ADGRG7: variants seen among roughly 807,000 people sequenced by gnomAD.
The protein encoded by ADGRG7 is adhesion G protein-coupled receptor G7, also known as G-protein coupled receptor 128.
In ADGRG7, 82 loss-of-function variants were observed where a neutral mutation model predicts 88.6. That is an observed-to-expected ratio of 0.93 (90% confidence interval 0.77 to 1.11). The LOEUF (loss-of-function observed/expected upper bound fraction) is 1.11, where lower values mean the gene tolerates loss of function less well. Ranked by LOEUF, ADGRG7 falls within the 50% of genes most tolerant of loss-of-function variation. ADGRG7 has a pLI of 0.00. For synonymous variants in ADGRG7, 381 were observed against 345.2 expected, an observed-to-expected ratio of 1.10 and a Z score of -1.15; for missense variants, 945 against 953.4, an observed-to-expected ratio of 0.99 and a Z score of 0.12.
intron 1 of ADGRG7, among the ~76,000 whole-genome samples, chr3:100,617,784 C>T (rs1365481425): frequency 3.9e-5 from 6 of 152,196 alleles, no homozygotes; most frequent in African/African-American, 1.2e-4. Flanking sequence ...CCTGAGGAAT[C>T]GCCACACTGA....
intron 1 of ADGRG7, among the ~76,000 whole-genome samples, chr3:100,610,909 G>C (rs1388883899): frequency 6.6e-6 from 1 of 152,162 alleles, no homozygotes; most frequent in Non-Finnish European, 1.5e-5. Context: ...TGGCTGCAAA[G>C]ATCCAGTGTT....
intron 15 of ADGRG7, among the ~76,000 whole-genome samples, chr3:100,691,502 G>A (rs2094993736): frequency 6.6e-6 from 1 of 151,928 alleles, no homozygotes; most frequent in African/African-American, 2.4e-5. Flanking sequence ...GGCCATCTTG[G>A]CTCCACCCTT....
intron 1 of ADGRG7, among the ~76,000 whole-genome samples, chr3:100,617,963 C>T (rs1559669039): frequency 6.6e-6 from 1 of 152,094 alleles, no homozygotes; most frequent in African/African-American, 2.4e-5. Flanking sequence ...TCTCTGATGA[C>T]CAGTGATGAT....
chr3:100,617,998 G>T (rs1312233258), intron 1 of ADGRG7, among the ~76,000 whole-genome samples: 3 of 152,142 alleles, frequency 2.0e-5, no homozygotes, highest in Non-Finnish European at 4.4e-5. Flanking sequence ...GTGTCTATTG[G>T]CTGCATAAAT....
At chr3:100,621,952 C>T (rs1620897) in intron 1 of ADGRG7, among the ~76,000 whole-genome samples, 41,576 of 152,100 alleles carry the variant, frequency 0.27, 6,226 homozygotes, top group Non-Finnish European at 0.34. Context: ...AACTATTCCA[C>T]TTCAGATCAT....
chr3:100,621,418 C>G (rs1367352469), intron 1 of ADGRG7, among the ~76,000 whole-genome samples: 1 of 152,136 alleles, frequency 6.6e-6, no homozygotes, highest in East Asian at 1.9e-4. Flanking sequence ...AGTGAACACA[C>G]AAATGGTAAG....
intron 1 of ADGRG7, among the ~76,000 whole-genome samples, chr3:100,628,259 G>GT (rs1377601505): frequency 2.0e-3 from 293 of 149,606 alleles, no homozygotes; most frequent in African/African-American, 5.5e-3. Flanking sequence ...CCTTCAAGTA[G>GT]TTTTTTTTTT....
intron 8 of ADGRG7, among the ~76,000 whole-genome samples, chr3:100,644,041 T>C (rs1248114337): frequency 6.6e-6 from 1 of 152,222 alleles, no homozygotes; most frequent in Non-Finnish European, 1.5e-5. Flanking sequence ...TGGAGAAGTC[T>C]ATGTAATTGG....
intron 15 of ADGRG7, among the ~76,000 whole-genome samples, chr3:100,677,337 A>G (rs1485538308): frequency 1.3e-5 from 2 of 151,994 alleles, no homozygotes; most frequent in Non-Finnish European, 2.9e-5. Flanking sequence ...ATAAACTAAC[A>G]AACAAAGAGA....
At chr3:100,643,846 C>A (rs1252787693) in intron 8 of ADGRG7, among the ~76,000 whole-genome samples, 1 of 152,076 alleles carries the variant, frequency 6.6e-6, no homozygotes, top group Non-Finnish European at 1.5e-5. Flanking sequence ...TTTCAAAAGC[C>A]TTTTGGAAGG....
intron 11 of ADGRG7, among the ~76,000 whole-genome samples, chr3:100,650,387 C>A (rs557250296): frequency 2.6e-5 from 4 of 152,062 alleles, no homozygotes; most frequent in Non-Finnish European, 5.9e-5. Flanking sequence ...TAACTGCCTG[C>A]GGTCTTTTAG....
intron 13 of ADGRG7, among the ~76,000 whole-genome samples, chr3:100,657,480 C>A (rs1468217587): frequency 6.6e-6 from 1 of 152,196 alleles, no homozygotes; most frequent in Non-Finnish European, 1.5e-5. Context: ...GGCCACATTC[C>A]TCTTTAATGC....
rs1231776156 is a variant in ADGRG7, at chr3:100,637,362, CAA to C, written c.660_661del (p.Arg221SerfsTer6). 1 of 1,613,760 alleles carries C rather than the reference CAA, an allele frequency of 6.2e-7. No individual in the cohort carries two copies. Among genetic ancestry groups the C allele is most frequent in the African/African-American group, 1.3e-5 (1 of 74,928 alleles). ...CCTAGATGCCAGTGAAGATGCTTTT[CAA>C]AGAGTTGCTGCTACTGCTAATGATG... ...QLLDASEDAF[Q>X]RVAATANDDA... On this transcript the variant is annotated frameshift_variant, in exon 6 of 16. Coordinates refer to ENST00000273352, the MANE Select transcript of ADGRG7 (RefSeq NM_032787.3). LOFTEE classifies it high-confidence loss of function.
At chr3:100,647,857 A>C (rs1707781549) in intron 10 of ADGRG7, among the ~76,000 whole-genome samples, 1 of 152,228 alleles carries the variant, frequency 6.6e-6, no homozygotes, top group African/African-American at 2.4e-5. Flanking sequence ...CAGTAGCTAT[A>C]ATATAGCCAT....
Position 100,630,806 on chromosome 3 carries a change from A to G in ADGRG7, c.331A>G (p.Asn111Asp), listed in dbSNP as rs1462452045. 4.1e-6 allele frequency: 6 copies of G among 1,457,580 alleles called. No homozygotes were observed. The highest frequency in any genetic ancestry group is 5.5e-6 in the Non-Finnish European group (6 of 1,097,410). 90.3% of individuals were successfully genotyped at this position (1,457,580 alleles called of 1,614,324 possible). ...GCAAACATGTGGCAAGGATACTCCA[A>G]ATGGTATGTGTTTTCCCAAACATTT... ...SLQTCGKDTP[N>D]AGNPMAVRLC... Residue 111 changes from asparagine (N) to aspartate (D), a missense_variant, in exon 3 of 16, where the codon AAT becomes GAT. Physicochemically the swap from Asn to Asp is conservative, Grantham distance 23 (BLOSUM62 1). Transcript: ENST00000273352.
intron 15 of ADGRG7, among the ~76,000 whole-genome samples, chr3:100,672,804 A>G (rs928106726): frequency 1.3e-5 from 2 of 152,140 alleles, no homozygotes; most frequent in African/African-American, 4.8e-5. Context: ...TTCTATGTCT[A>G]TTGAGATAAT....
chr3:100,681,305 C>CTTTTTT (rs1187481511), intron 15 of ADGRG7, among the ~76,000 whole-genome samples: 2 of 134,032 alleles, frequency 1.5e-5, no homozygotes, highest in Admixed American at 7.4e-5. Context: ...CTTTTCTTTT[C>CTTTTTT]TTTTTTTTTT....
chr3:100,623,492 C>G lies in ADGRG7; in HGVS notation c.116-6106C>G, dbSNP rs535841715. The stretch of plus-strand genomic sequence containing the variant: ...ATGGCTTTATTGTAAGTCATACCCT[C>G]AGTAATGTGAGCCTTCTAAATCTGT... On this transcript the variant is annotated intron_variant, in intron 1 of 15. Transcript: ENST00000273352. 1.1e-4 allele frequency among the ~76,000 whole-genome samples: 17 copies of G among 152,226 alleles called. 1 individual carries two copies. The highest frequency in any genetic ancestry group is 3.6e-4 in the African/African-American group (15 of 41,514).
chr3:100,686,807 C>T (rs2094983509), intron 15 of ADGRG7, among the ~76,000 whole-genome samples: 1 of 152,152 alleles, frequency 6.6e-6, no homozygotes, highest in South Asian at 2.1e-4. Flanking sequence ...AGTCAGGTAG[C>T]ATGATGCCTC....
Sources: gnomAD v4.1 joint callset for allele counts (sites outside exome capture counted in the v4.1 genomes callset) on GRCh38, gnomAD v4.1.1 for gene constraint, MANE v1.5 for transcripts, NCBI Gene and HGNC (gene_info 2026-07-23, HGNC 2026-07-21) for gene names.